C3orf49: variants seen among roughly 807,000 people sequenced by gnomAD.
The protein encoded by C3orf49 is putative uncharacterized protein C3orf49.
In C3orf49, 27 loss-of-function variants were observed where a neutral mutation model predicts 13.3. That is an observed-to-expected ratio of 2.02 (90% confidence interval 1.49 to 2.79). The LOEUF is 2.79. C3orf49 is among the 30% of genes most tolerant of loss of function. The pLI, the probability that C3orf49 is intolerant of heterozygous loss-of-function variation, is 0.00. For synonymous variants in C3orf49, 87 were observed against 47.6 expected, an observed-to-expected ratio of 1.83 and a Z score of -3.40; for missense variants, 242 against 134.2, an observed-to-expected ratio of 1.80 and a Z score of -3.97.
chr3:63,799,779 G>C, the C3orf49 span, among the ~76,000 whole-genome samples: 1 of 152,148 alleles, frequency 6.6e-6, no homozygotes, highest in Admixed American at 6.6e-5. Flanking sequence ...AATGTTAAGT[G>C]ATTTGCAGTA....
intron 2 of C3orf49, 54 bp from the exon 3 acceptor site, chr3:63,827,547 G>C (rs1701479193): frequency 3.0e-6 from 2 of 664,112 alleles, no homozygotes; most frequent in African/African-American, 3.6e-5. Flanking sequence ...TTAACAGGAA[G>C]AATGTGTTCC....
the C3orf49 span, among the ~76,000 whole-genome samples, chr3:63,808,708 A>G: frequency 1.3e-5 from 2 of 152,308 alleles, no homozygotes; most frequent in South Asian, 4.2e-4. Flanking sequence ...TTGAATGGTA[A>G]GGTTGGTCCC....
chr3:63,794,593 C>A, the C3orf49 span, among the ~76,000 whole-genome samples: 4 of 151,940 alleles, frequency 2.6e-5, no homozygotes, highest in East Asian at 8.0e-4. Flanking sequence ...TCCAATTAGA[C>A]TTTCATTCTC....
At chr3:63,801,680 G>T in the C3orf49 span, among the ~76,000 whole-genome samples, 6 of 152,306 alleles carry the variant, frequency 3.9e-5, no homozygotes, top group Admixed American at 1.3e-4. Context: ...TTAGTGCCCA[G>T]CGTCAGCCAT....
In C3orf49 at chr3:63,845,101, T is replaced by C; in HGVS notation, c.*30+19T>C. ...GGAAAAGGTGATGCTAACCTTCTTTTCTGGGGGTGGGGGGTACTATCTCCT... is the reference window on the plus strand; with the variant it reads ...GGAAAAGGTGATGCTAACCTTCTTTCCTGGGGGTGGGGGGTACTATCTCCT... On this transcript the variant is annotated intron_variant, in intron 6 of 6. Coordinates refer to ENST00000295896, the MANE Select transcript of C3orf49 (RefSeq NM_001355236.2). 1.4e-6 allele frequency: 1 copy of C among 691,724 alleles called. No homozygotes were observed. Among genetic ancestry groups the C allele is most frequent in the Non-Finnish European group, 2.6e-6 (1 of 379,402 alleles). 42.8% of individuals were successfully genotyped at this position (691,724 alleles called of 1,614,324 possible). A position where few individuals can be genotyped will look rare whatever the true frequency, so the allele number is the denominator to read the frequency against.
intron 1 of C3orf49, 144 bp downstream of exon 1, chr3:63,819,740 G>A (rs1045198063): frequency 3.4e-6 from 2 of 585,672 alleles, no homozygotes; most frequent in Non-Finnish European, 6.1e-6. Context: ...GAAATCTAGT[G>A]TGACAATGTA....
At chr3:63,843,523 T>C (rs1343627106) in intron 5 of C3orf49, among the ~76,000 whole-genome samples, 1 of 152,224 alleles carries the variant, frequency 6.6e-6, no homozygotes, top group Non-Finnish European at 1.5e-5. Flanking sequence ...AAGAGGTATC[T>C]GCACTCCAAC....
chr3:63,827,466 A>G (rs1209596228), intron 2 of C3orf49, 135 bp from the exon 3 acceptor site: 2 of 563,844 alleles, frequency 3.5e-6, no homozygotes, highest in Admixed American at 3.0e-5. Context: ...TCAATTTTTT[A>G]TTCTTAACTC....
upstream of C3orf49, among the ~76,000 whole-genome samples, chr3:63,819,045 A>G (rs1423346582): frequency 6.6e-6 from 1 of 152,208 alleles, no homozygotes; most frequent in East Asian, 1.9e-4. Context: ...ACCACTTCAG[A>G]GTTCAAATAC....
At chr3:63,813,443 T>C in the C3orf49 span, among the ~76,000 whole-genome samples, 2 of 152,174 alleles carry the variant, frequency 1.3e-5, no homozygotes, top group Non-Finnish European at 2.9e-5. Flanking sequence ...AGGCCAACAC[T>C]GAGAAGTTAG....
chr3:63,819,310 G>A lies in C3orf49; in HGVS notation c.-162G>A. 1 of 573,536 alleles carries A rather than the reference G, an allele frequency of 1.7e-6. No homozygotes were observed. The highest frequency in any genetic ancestry group is 3.1e-6 in the Non-Finnish European group (1 of 320,992). The allele number at this position is 573,536 out of a possible 1,614,324, so 35.5% of individuals were successfully genotyped here. A position where few individuals can be genotyped will look rare whatever the true frequency, so the allele number is the denominator to read the frequency against. The stretch of plus-strand genomic sequence containing the variant: ...CCCACAAATAATGTCTCTAACACCT[G>A]GAAGGGAATAAGGGAAAGACTCTAA... On this transcript the variant is annotated 5_prime_UTR_variant, in exon 1 of 7. Transcript: ENST00000295896.
chr3:63,842,513 C>G (rs1307575108), intron 5 of C3orf49, among the ~76,000 whole-genome samples: 1 of 152,116 alleles, frequency 6.6e-6, no homozygotes, highest in Admixed American at 6.5e-5. Context: ...GAATACTACT[C>G]AGCCATAAAA....
chr3:63,835,103 G>A (rs1575801056), intron 5 of C3orf49: 1 of 1,563,782 alleles, frequency 6.4e-7, no homozygotes, highest in Non-Finnish European at 8.8e-7. Context: ...ACATCCCTGG[G>A]TCATTTAAAA....
the C3orf49 span, among the ~76,000 whole-genome samples, chr3:63,795,293 G>T: frequency 6.6e-6 from 1 of 152,126 alleles, no homozygotes; most frequent in African/African-American, 2.4e-5. Flanking sequence ...AATGGGAAAC[G>T]TCTAGGGGGT....
intron 5 of C3orf49, among the ~76,000 whole-genome samples, chr3:63,836,720 C>T (rs989978797): frequency 2.1e-4 from 32 of 151,898 alleles, no homozygotes; most frequent in Admixed American, 1.1e-3. Context: ...AAATAAAATA[C>T]AATCAGTGAA....
chr3:63,806,087 CA>C, the C3orf49 span, among the ~76,000 whole-genome samples: 1 of 152,126 alleles, frequency 6.6e-6, no homozygotes, highest in Admixed American at 6.5e-5. Flanking sequence ...AAGGATAAGC[CA>C]GAGTGCCAGA....
At position 63,848,217 on chromosome 3, in the gene C3orf49, A is replaced by G. The variant is rs144578995; in HGVS notation, c.*31-147A>G. On this transcript the variant is annotated intron_variant, in intron 6 of 6. Coordinates refer to ENST00000295896, the MANE Select transcript of C3orf49 (RefSeq NM_001355236.2). ...GTCTTTTCCTGATCCAGGAGAGATT[A>G]AGAGTCTGGCACCTTTTTAAGTCTG... The G allele has an allele frequency of 3.9e-5, 6 of 152,302 alleles. No individual in the cohort carries two copies. In the East Asian group the frequency reaches 1.2e-3, roughly 29 times the overall value. 9.4% of individuals were successfully genotyped at this position (152,302 alleles called of 1,614,324 possible).
At chr3:63,844,547 C>G (rs11927304) in intron 5 of C3orf49, among the ~76,000 whole-genome samples, 12,142 of 152,186 alleles carry the variant, frequency 0.08, 1,149 homozygotes, top group African/African-American at 0.23. Context: ...CCAGTATTAA[C>G]AGGGGGAACC....
chr3:63,830,161 C>G (rs1701514367), intron 3 of C3orf49, among the ~76,000 whole-genome samples: 1 of 152,190 alleles, frequency 6.6e-6, no homozygotes, highest in Admixed American at 6.5e-5. Context: ...CCAGCCCCAA[C>G]TAGTCCTGCT....
Sources: allele counts gnomAD v4.1 joint callset (sites outside exome capture counted in the v4.1 genomes callset), GRCh38; gene constraint gnomAD v4.1.1; transcripts MANE v1.5; gene names NCBI Gene and HGNC (gene_info 2026-07-23, HGNC 2026-07-21).